EYS: variants seen among roughly 807,000 people sequenced by gnomAD.
EYS encodes the protein protein eyes shut homolog.
In EYS, 250 loss-of-function variants were observed where a neutral mutation model predicts 282.1. The observed-to-expected ratio is 0.89, with a 90% CI of 0.80 to 0.98. EYS has a LOEUF of 0.98. EYS is among the 50% of genes least tolerant of loss of function. The probability of loss-of-function intolerance (pLI) is 0.00; values close to 1 mark genes in which losing one functional copy is unlikely to be tolerated. For synonymous variants in EYS, 1,355 were observed against 1,282.9 expected, an observed-to-expected ratio of 1.06 and a Z score of -1.20; for missense variants, 4,016 against 3,709.0, an observed-to-expected ratio of 1.08 and a Z score of -2.15.
chr6:63,774,304 G>T (rs1770006458), intron 40 of EYS, among the ~76,000 whole-genome samples: 2 of 152,028 alleles, frequency 1.3e-5, no homozygotes, highest in African/African-American at 4.8e-5. Flanking sequence ...AGGTAGCTGG[G>T]ATTACAGGCA....
chr6:64,368,297 G>A (rs113878050), intron 29 of EYS, among the ~76,000 whole-genome samples: 8 of 152,078 alleles, frequency 5.3e-5, no homozygotes, highest in African/African-American at 9.6e-5. Context: ...GACTTCTTTC[G>A]TGGTGTATAT....
intron 41 of EYS, among the ~76,000 whole-genome samples, chr6:63,749,035 G>A (rs1769278478): frequency 1.3e-5 from 2 of 152,062 alleles, no homozygotes; most frequent in South Asian, 4.1e-4. Context: ...CTTTGGGCTT[G>A]ATTTGCTCTT....
intron 34 of EYS, among the ~76,000 whole-genome samples, chr6:63,994,731 G>T (rs184163451): frequency 5.3e-5 from 8 of 152,016 alleles, no homozygotes; most frequent in African/African-American, 1.9e-4. Flanking sequence ...CAATGAATCA[G>T]TAAGACAATC....
chr6:63,767,145 C>T (rs1341336283), intron 40 of EYS, among the ~76,000 whole-genome samples: 1 of 151,962 alleles, frequency 6.6e-6, no homozygotes, highest in African/African-American at 2.4e-5. Flanking sequence ...GGTGAAAGAT[C>T]GAACCATTCC....
chr6:64,373,645 G>T (rs2150415383), intron 29 of EYS, among the ~76,000 whole-genome samples: 1 of 152,344 alleles, frequency 6.6e-6, no homozygotes, highest in South Asian at 2.1e-4. Flanking sequence ...AATTCAGGAA[G>T]AAGTAGGACG....
chr6:65,456,247 G>A (rs1764610190), intron 5 of EYS, among the ~76,000 whole-genome samples: 1 of 151,844 alleles, frequency 6.6e-6, no homozygotes, highest in African/African-American at 2.4e-5. Context: ...GGTCAGGAGA[G>A]CGAGACCATT....
intron 1 of EYS, among the ~76,000 whole-genome samples, chr6:65,672,281 G>A (rs1373219206): frequency 1.3e-5 from 2 of 152,060 alleles, no homozygotes; most frequent in Non-Finnish European, 2.9e-5. Context: ...AAATGCCTGA[G>A]GCCAATGAGG....
chr6:65,082,347 T>C (rs1774251735), intron 12 of EYS, among the ~76,000 whole-genome samples: 1 of 152,052 alleles, frequency 6.6e-6, no homozygotes, highest in African/African-American at 2.4e-5. Flanking sequence ...GTCATGTTCA[T>C]TTCTATATTA....
At chr6:64,422,437 G>C (rs1774266887) in intron 28 of EYS, among the ~76,000 whole-genome samples, 2 of 152,168 alleles carry the variant, frequency 1.3e-5, no homozygotes, top group South Asian at 4.1e-4. Context: ...GACAAGGGTT[G>C]TTAGGTCATA....
chr6:64,275,290 T>C (rs2150359206), intron 30 of EYS, among the ~76,000 whole-genome samples: 1 of 152,314 alleles, frequency 6.6e-6, no homozygotes, highest in East Asian at 1.9e-4. Flanking sequence ...TTGTGCTTAT[T>C]TGCATTTAAT....
At chr6:63,930,838 A>G (rs1001420635) in intron 35 of EYS, among the ~76,000 whole-genome samples, 2 of 152,136 alleles carry the variant, frequency 1.3e-5, no homozygotes, top group African/African-American at 4.8e-5. Flanking sequence ...CCACCCCTTT[A>G]TCCTAGTCTA....
intron 13 of EYS, among the ~76,000 whole-genome samples, chr6:65,011,909 T>C: frequency 6.6e-6 from 1 of 152,156 alleles, no homozygotes; most frequent in East Asian, 1.9e-4. Flanking sequence ...CAACCCCCTT[T>C]GGGTCGCCTC....
At chr6:64,789,639 A>G (rs907907229) in intron 22 of EYS, among the ~76,000 whole-genome samples, 3 of 152,092 alleles carry the variant, frequency 2.0e-5, no homozygotes, top group Non-Finnish European at 4.4e-5. Context: ...CAAAATTATC[A>G]TTATCACATT....
At chr6:64,696,299 A>G in intron 22 of EYS, among the ~76,000 whole-genome samples, 1 of 152,198 alleles carries the variant, frequency 6.6e-6, no homozygotes, top group Non-Finnish European at 1.5e-5. Flanking sequence ...TTTTGACTTT[A>G]TCCAATGAGA....
intron 5 of EYS, among the ~76,000 whole-genome samples, chr6:65,460,076 C>CACAT (rs556444098): frequency 3.0e-5 from 3 of 100,484 alleles, no homozygotes; most frequent in Admixed American, 1.1e-4. Context: ...TATATGTATA[C>CACAT]ACACACACAC....
intron 24 of EYS, among the ~76,000 whole-genome samples, chr6:64,615,705 C>A (rs997048947): frequency 6.6e-6 from 1 of 152,018 alleles, no homozygotes; most frequent in Admixed American, 6.6e-5. Flanking sequence ...GTTGAATCTC[C>A]CTTATCTCAT....
At chr6:64,557,053 A>G (rs1366872920) in intron 26 of EYS, among the ~76,000 whole-genome samples, 1 of 152,006 alleles carries the variant, frequency 6.6e-6, no homozygotes, top group Non-Finnish European at 1.5e-5. Flanking sequence ...GTAGAAAAAT[A>G]ACAATACCTT....
chr6:64,190,514 T>G (rs1765070754), intron 31 of EYS, among the ~76,000 whole-genome samples: 1 of 152,188 alleles, frequency 6.6e-6, no homozygotes. Context: ...AAAGGCATGG[T>G]GCATGCCAAA....
chr6:65,476,241 A>G (rs1765400846), intron 5 of EYS, among the ~76,000 whole-genome samples: 1 of 152,108 alleles, frequency 6.6e-6, no homozygotes. Flanking sequence ...ACTCTATTAA[A>G]GATGCTCCTT....
Sources: allele counts gnomAD v4.1 joint callset (sites outside exome capture counted in the v4.1 genomes callset), GRCh38; gene constraint gnomAD v4.1.1; transcripts MANE v1.5; gene names NCBI Gene and HGNC (gene_info 2026-07-23, HGNC 2026-07-21).